TASP1: variants seen among roughly 807,000 people sequenced by gnomAD.
The protein encoded by TASP1 is threonine aspartase 1.
In TASP1, 16 loss-of-function variants were observed where a neutral mutation model predicts 56.6. The ratio of observed to expected loss-of-function variants is 0.28; its 90% confidence interval spans 0.19 to 0.43. The LOEUF (loss-of-function observed/expected upper bound fraction) is 0.43, where lower values mean the gene tolerates loss of function less well. TASP1 is among the 20% of genes least tolerant of loss of function. TASP1 has a pLI of 1.00. For missense variants in TASP1, 393 were observed against 511.6 expected (o/e 0.77, Z 2.24); for synonymous variants, 179 against 184.2 (o/e 0.97, Z 0.23).
In TASP1 at chr20:13,453,194, A is replaced by G. The variant is rs150384159; in HGVS notation, c.986-18040T>C. On this transcript the variant is annotated intron_variant, in intron 11 of 13. Transcript: ENST00000337743. ...TCAAATGGACTAAAATGGAAACATC[A>G]GAGAGGAATGGCAAGGAACTGATGG... Among the ~76,000 whole-genome samples, 7 of 152,266 alleles carry G rather than the reference A, an allele frequency of 4.6e-5. No individual in the cohort carries two copies. In the East Asian group the frequency reaches 1.4e-3, roughly 29 times the overall value.
the TASP1 span, among the ~76,000 whole-genome samples, chr20:13,163,504 C>T: frequency 6.6e-6 from 1 of 152,000 alleles, no homozygotes; most frequent in Non-Finnish European, 1.5e-5. Flanking sequence ...CCACCTTCAG[C>T]AAAGATTGCT....
rs745426610 is a variant in TASP1 at position 13,390,456 on chromosome 20, C to CAG, written c.1171-6_1171-5dup. On this transcript the variant is annotated splice_polypyrimidine_tract_variant and splice_region_variant and intron_variant, in intron 13 of 13. Coordinates refer to ENST00000337743, the MANE Select transcript of TASP1 (RefSeq NM_017714.3). ...GAGGAAGTCTTGAAATGTGAGTCTG[C>CAG]AGAGAGAGAGAGACAGCAGAGCATC... 59 of 1,608,080 alleles carry CAG rather than the reference C, an allele frequency of 3.7e-5. No individual in the cohort carries two copies. Among genetic ancestry groups the CAG allele is most frequent in the South Asian group, 5.5e-5 (5 of 90,750 alleles).
At chr20:13,425,960 G>A (rs945175901) in intron 12 of TASP1, among the ~76,000 whole-genome samples, 3 of 152,182 alleles carry the variant, frequency 2.0e-5, no homozygotes, top group Non-Finnish European at 4.4e-5. Flanking sequence ...TGTCTTGGGA[G>A]CAACGGGGAT....
intron 6 of TASP1, among the ~76,000 whole-genome samples, chr20:13,573,857 T>C (rs1568599810): frequency 6.6e-6 from 1 of 152,170 alleles, no homozygotes; most frequent in Admixed American, 6.5e-5. Flanking sequence ...ACTGCAATCA[T>C]AGAGTTCACC....
rs145090502 is a variant in TASP1, at chr20:13,544,684, C to T, written c.676-10543G>A. Among the ~76,000 whole-genome samples, 1,319 of 152,292 alleles carry T rather than the reference C, an allele frequency of 8.7e-3. 11 individuals are homozygous for T. The highest frequency in any genetic ancestry group is 0.031 in the Middle Eastern group (9 of 294). ...CCTTTATAAATGCAGGCAACCTTTT[C>T]CAATTTAGTTGTCCAATTTGGCTCT... On this transcript the variant is annotated intron_variant, in intron 8 of 13. Coordinates refer to ENST00000337743, the MANE Select transcript of TASP1 (RefSeq NM_017714.3).
intron 10 of TASP1, among the ~76,000 whole-genome samples, chr20:13,517,943 C>T (rs1019744285): frequency 6.6e-6 from 1 of 152,076 alleles, no homozygotes; most frequent in African/African-American, 2.4e-5. Flanking sequence ...ACTCTGTTAT[C>T]TGTAAATGAA....
chr20:13,581,033 G>GT (rs1373939308), intron 5 of TASP1, 52 bp from the exon 6 acceptor site: 3 of 1,538,068 alleles, frequency 2.0e-6, no homozygotes, highest in East Asian at 4.5e-5. Flanking sequence ...ATGTCTTCTA[G>GT]TTTCCCACTC....
chr20:13,276,848 T>C, the TASP1 span, among the ~76,000 whole-genome samples: 2 of 152,236 alleles, frequency 1.3e-5, no homozygotes, highest in Admixed American at 1.3e-4. Flanking sequence ...GTCTTTTTAA[T>C]TGGATGCCTA....
At chr20:13,270,662 C>A in the TASP1 span, 1 of 1,613,886 alleles carries the variant, frequency 6.2e-7, no homozygotes, top group South Asian at 1.1e-5. Context: ...AAAGAGATTT[C>A]CCCAGATCCT....
At chr20:13,488,012 A>C (rs956159149) in intron 10 of TASP1, among the ~76,000 whole-genome samples, 8 of 151,770 alleles carry the variant, frequency 5.3e-5, no homozygotes, top group African/African-American at 1.9e-4. Flanking sequence ...TAGTACAATA[A>C]GAAAAAGAAA....
chr20:13,487,054 A>G (rs751779790), intron 10 of TASP1, among the ~76,000 whole-genome samples: 1 of 152,184 alleles, frequency 6.6e-6, no homozygotes, highest in Admixed American at 6.5e-5. Context: ...CTATTCACAG[A>G]TGATATAATT....
the TASP1 span, among the ~76,000 whole-genome samples, chr20:13,226,858 T>C: frequency 5.3e-5 from 8 of 152,322 alleles, no homozygotes; most frequent in East Asian, 9.6e-4. Flanking sequence ...TAGATTCTAG[T>C]GGACAAGAAA....
At chr20:13,192,236 G>C in the TASP1 span, among the ~76,000 whole-genome samples, 1 of 152,156 alleles carries the variant, frequency 6.6e-6, no homozygotes, top group Admixed American at 6.5e-5. Flanking sequence ...TCTGAAATTT[G>C]GAGGTACATA....
chr20:13,402,066 T>C (rs2041758395), intron 13 of TASP1, among the ~76,000 whole-genome samples: 1 of 152,168 alleles, frequency 6.6e-6, no homozygotes, highest in South Asian at 2.1e-4. Flanking sequence ...TAGATTAAAA[T>C]AGACATTTAT....
At chr20:13,545,546 G>C (rs1182237268) in intron 8 of TASP1, among the ~76,000 whole-genome samples, 1 of 152,180 alleles carries the variant, frequency 6.6e-6, no homozygotes, top group Non-Finnish European at 1.5e-5. Flanking sequence ...AAATTCTGCA[G>C]ACAGTTTAAC....
At position 13,390,337 on chromosome 20, in the gene TASP1, C is replaced by T. The variant is rs750537553; in HGVS notation, c.*23G>A. 2.1e-5 allele frequency: 33 copies of T among 1,608,908 alleles called. No individual in the cohort carries two copies. The highest frequency in any genetic ancestry group is 2.0e-4 in the East Asian group (9 of 44,782). On this transcript the variant is annotated 3_prime_UTR_variant, in exon 14 of 14. Coordinates refer to ENST00000337743, the MANE Select transcript of TASP1 (RefSeq NM_017714.3). ...CTCAGGTTCTGAAATGCCTCTGAGACGCTTCACACTCAGCCTGAAGGGTCA... is the reference window on the plus strand; with the variant it reads ...CTCAGGTTCTGAAATGCCTCTGAGATGCTTCACACTCAGCCTGAAGGGTCA...
the TASP1 span, among the ~76,000 whole-genome samples, chr20:13,231,255 C>T: frequency 2.0e-4 from 31 of 152,290 alleles, no homozygotes; most frequent in African/African-American, 5.5e-4. Flanking sequence ...TCATTAACAG[C>T]GAGGAAGTCT....
At chr20:13,496,303 C>T (rs2043725471) in intron 10 of TASP1, among the ~76,000 whole-genome samples, 1 of 152,166 alleles carries the variant, frequency 6.6e-6, no homozygotes, top group Non-Finnish European at 1.5e-5. Flanking sequence ...GATCCACCCG[C>T]CTTGGCCTCC....
intron 10 of TASP1, among the ~76,000 whole-genome samples, chr20:13,508,453 T>G (rs186608288): frequency 2.9e-4 from 44 of 152,230 alleles, no homozygotes; most frequent in African/African-American, 1.0e-3. Flanking sequence ...ATTGGGGCAT[T>G]TCAGATTTCC....
Sources: allele counts gnomAD v4.1 joint callset (sites outside exome capture counted in the v4.1 genomes callset), GRCh38; gene constraint gnomAD v4.1.1; transcripts MANE v1.5; gene names NCBI Gene and HGNC (gene_info 2026-07-23, HGNC 2026-07-21).